MCF2: variants seen among roughly 807,000 people sequenced by gnomAD.
The protein encoded by MCF2 is MCF.2 cell line derived transforming sequence.
A neutral mutation model predicts 82.5 loss-of-function variants in MCF2; 44 were observed. The ratio of observed to expected loss-of-function variants is 0.53; its 90% CI spans 0.42 to 0.69. The LOEUF is 0.69. MCF2 is among the 30% of genes least tolerant of loss of function. The probability of loss-of-function intolerance (pLI) is 0.00; values close to 1 mark genes in which losing one functional copy is unlikely to be tolerated. For missense variants in MCF2, 623 were observed against 663.1 expected, an observed-to-expected ratio of 0.94 and a Z score of 0.66; for synonymous variants, 217 against 224.9, an observed-to-expected ratio of 0.96 and a Z score of 0.32.
intron 19 of MCF2, among the ~76,000 whole-genome samples, chrX:139,593,830 T>C (rs377669238): frequency 1.8e-5 from 2 of 110,779 alleles, no homozygotes; most frequent in African/African-American, 6.6e-5. Flanking sequence ...AAAACCCCAT[T>C]GTCTCAGCCC....
chrX:139,663,013 T>C (rs1268413460), intron 1 of MCF2, among the ~76,000 whole-genome samples: 5 of 112,489 alleles, frequency 4.4e-5, no homozygotes, highest in African/African-American at 1.6e-4. Flanking sequence ...ATTGTGTATA[T>C]ATGCCACATT....
chrX:139,620,085 GT>G (rs1442578800), intron 6 of MCF2, among the ~76,000 whole-genome samples: 4 of 105,380 alleles, frequency 3.8e-5, no homozygotes, highest in Non-Finnish European at 7.9e-5. Context: ...TCATCTAAGT[GT>G]TTTTTTCATC....
At chrX:139,670,454 C>A (rs2148550911) in intron 1 of MCF2, among the ~76,000 whole-genome samples, 1 of 110,305 alleles carries the variant, frequency 9.1e-6, no homozygotes, top group East Asian at 2.9e-4. Flanking sequence ...TAATGCTATC[C>A]CTCCCCCCTC....
intron 1 of MCF2, among the ~76,000 whole-genome samples, chrX:139,641,580 G>C (rs190086886): frequency 4.4e-4 from 49 of 110,193 alleles, no homozygotes; most frequent in Admixed American, 1.6e-3. Flanking sequence ...CTTCTTATCT[G>C]TGTGTGTGTG....
At chrX:139,602,084 G>T (rs889547797) in intron 16 of MCF2, among the ~76,000 whole-genome samples, 16 of 111,296 alleles carry the variant, frequency 1.4e-4, no homozygotes, top group African/African-American at 4.9e-4. Context: ...AAGTATATTT[G>T]TATATGTGGT....
intron 1 of MCF2, among the ~76,000 whole-genome samples, chrX:139,697,296 A>T (rs1935402725): frequency 8.9e-6 from 1 of 112,055 alleles, no homozygotes; most frequent in Non-Finnish European, 1.9e-5. Context: ...AAATGAAACC[A>T]ATATCATGAA....
At chrX:139,676,715 C>T (rs374005107) in intron 1 of MCF2, among the ~76,000 whole-genome samples, 3 of 111,955 alleles carry the variant, frequency 2.7e-5, no homozygotes, top group East Asian at 5.6e-4. Flanking sequence ...AAAGCACTTA[C>T]CTTAGTGTAT....
intron 19 of MCF2, among the ~76,000 whole-genome samples, chrX:139,591,534 C>A (rs1289347930): frequency 9.0e-6 from 1 of 110,922 alleles, no homozygotes; most frequent in Non-Finnish European, 1.9e-5. Flanking sequence ...CTGAAGGACT[C>A]GAATCTCCCC....
intron 16 of MCF2, among the ~76,000 whole-genome samples, chrX:139,600,870 A>G (rs1244121334): frequency 8.9e-6 from 1 of 111,861 alleles, no homozygotes; most frequent in Non-Finnish European, 1.9e-5. Flanking sequence ...GAAATAGAAG[A>G]AAAAAAGCAA....
intron 15 of MCF2, among the ~76,000 whole-genome samples, chrX:139,604,363 T>C (rs1435871695): frequency 8.2e-5 from 9 of 110,124 alleles, no homozygotes; most frequent in African/African-American, 3.0e-4. Flanking sequence ...TTTGTTATCA[T>C]GATCCCAACT....
chrX:139,605,337 C>T (rs747979714), intron 13 of MCF2, among the ~76,000 whole-genome samples: 4 of 110,778 alleles, frequency 3.6e-5, no homozygotes, highest in East Asian at 2.8e-4. Context: ...ATTGGCAATA[C>T]GTGCTTAGGT....
At chrX:139,693,741 G>T (rs1935326107) in intron 1 of MCF2, among the ~76,000 whole-genome samples, 1 of 111,403 alleles carries the variant, frequency 9.0e-6, no homozygotes, top group Non-Finnish European at 1.9e-5. Flanking sequence ...CTACCAATGT[G>T]GCAGTTGTTG....
At chrX:139,586,430 A>C (rs1335369295) in exon 23 of MCF2, 5 of 1,208,375 alleles carry the variant, frequency 4.1e-6, no homozygotes, top group Non-Finnish European at 5.6e-6. Flanking sequence ...CCTCCACCAC[A>C]GTGCTGGTGT....
In MCF2 at chrX:139,689,034, G is replaced by A. The variant is rs999120972; in HGVS notation, c.-45+19072C>T. ...ATTCAGTCACCCTAACCAGAAACCT[G>A]AAATTAACCTAGTCTCCTCCCTGTC... On this transcript the variant is annotated intron_variant, in intron 1 of 27. Coordinates refer to the MCF2 transcript ENST00000414978. Among the ~76,000 whole-genome samples the A allele has an allele frequency of 4.5e-5, 5 of 111,179 alleles. No homozygotes were observed. The East Asian group carries it at 1.4e-3, about 31-fold the overall frequency.
chrX:139,593,069 C>T (rs1929663274), intron 19 of MCF2, among the ~76,000 whole-genome samples: 1 of 111,685 alleles, frequency 9.0e-6, no homozygotes, highest in Non-Finnish European at 1.9e-5. Context: ...TAAGGACAAT[C>T]GTTTTCTCTA....
chrX:139,601,275 C>T (rs1271654388), intron 16 of MCF2, among the ~76,000 whole-genome samples: 1 of 111,293 alleles, frequency 9.0e-6, no homozygotes, highest in Non-Finnish European at 1.9e-5. Flanking sequence ...TCAAAGTTAT[C>T]ACCCTAATAC....
intron 2 of MCF2, among the ~76,000 whole-genome samples, chrX:139,648,062 T>G (rs7059869): frequency 1.8e-5 from 2 of 111,722 alleles, no homozygotes; most frequent in African/African-American, 6.5e-5. Flanking sequence ...CAATCTGCAA[T>G]AAAAATATGA....
At chrX:139,687,850 T>A (rs17002214) in intron 1 of MCF2, among the ~76,000 whole-genome samples, 10,099 of 111,719 alleles carry the variant, frequency 0.09, 387 homozygotes, top group East Asian at 0.14. Flanking sequence ...TGTTTTGCAA[T>A]TGGAATAGAT....
intron 1 of MCF2, among the ~76,000 whole-genome samples, chrX:139,671,246 T>C (rs1247382215): frequency 1.8e-5 from 2 of 112,180 alleles, no homozygotes; most frequent in Non-Finnish European, 3.8e-5. Flanking sequence ...GCAAAAATTT[T>C]CTCCCATTCT....
Sources: gnomAD v4.1 joint callset for allele counts (sites outside exome capture counted in the v4.1 genomes callset) on GRCh38, gnomAD v4.1.1 for gene constraint, MANE v1.5 for transcripts, NCBI Gene and HGNC (gene_info 2026-07-23, HGNC 2026-07-21) for gene names.